Variants in LAMA2 observed in about 807,000 individuals in gnomAD.
LAMA2 encodes the protein laminin subunit alpha 2.
In LAMA2, 269 loss-of-function variants were observed where a neutral mutation model predicts 364.8. The observed-to-expected ratio is 0.74, with a 90% CI of 0.67 to 0.82. The LOEUF (loss-of-function observed/expected upper bound fraction) is 0.82. Among genes scored for constraint, LAMA2 ranks in the 40% least tolerant of loss-of-function variants. LAMA2 has a pLI of 0.00. For missense variants in LAMA2, 3,807 were observed against 3,873.2 expected (o/e 0.98, Z 0.45); for synonymous variants, 1,379 against 1,370.6 (o/e 1.01, Z -0.14).
At chr6:128,926,965 C>A (rs2114503699) in intron 1 of LAMA2, among the ~76,000 whole-genome samples, 1 of 152,302 alleles carries the variant, frequency 6.6e-6, no homozygotes, top group Admixed American at 6.5e-5. Context: ...AGTTTGAATA[C>A]ATTCATCCTC....
chr6:129,238,353 C>T (rs1229913694), intron 12 of LAMA2, among the ~76,000 whole-genome samples: 1 of 152,092 alleles, frequency 6.6e-6, no homozygotes, highest in Non-Finnish European at 1.5e-5. Flanking sequence ...GTTCTGTGTT[C>T]CTCTTATGAA....
At chr6:129,204,481 A>C (rs1782492875) in intron 12 of LAMA2, among the ~76,000 whole-genome samples, 1 of 152,022 alleles carries the variant, frequency 6.6e-6, no homozygotes, top group South Asian at 2.1e-4. Flanking sequence ...CCTTATGAAA[A>C]AAAAAAAAAA....
At chr6:129,480,079 G>T (rs915821435) in intron 54 of LAMA2, among the ~76,000 whole-genome samples, 1 of 152,128 alleles carries the variant, frequency 6.6e-6, no homozygotes, top group African/African-American at 2.4e-5. Context: ...CAGTAACCAG[G>T]AATTATTTTG....
intron 22 of LAMA2, among the ~76,000 whole-genome samples, chr6:129,303,935 CCCT>C (rs1335881096): frequency 1.3e-5 from 2 of 152,076 alleles, no homozygotes; most frequent in African/African-American, 2.4e-5. Flanking sequence ...CAGAAGTATT[CCCT>C]CCTCATAATT....
intron 22 of LAMA2, among the ~76,000 whole-genome samples, chr6:129,311,525 G>T (rs1774230827): frequency 6.6e-6 from 1 of 152,134 alleles, no homozygotes; most frequent in Non-Finnish European, 1.5e-5. Flanking sequence ...TCTGCCACCG[G>T]ATACGGAGAA....
At chr6:129,507,397 A>C (rs766256895) in intron 61 of LAMA2, 92 bp from the exon 62 acceptor site, 23 of 1,336,412 alleles carry the variant, frequency 1.7e-5, no homozygotes, top group Non-Finnish European at 2.4e-5. Flanking sequence ...GGATAACTAC[A>C]CACATAGAGC....
chr6:129,318,328 C>A (rs940317817), intron 27 of LAMA2, among the ~76,000 whole-genome samples: 5 of 151,988 alleles, frequency 3.3e-5, no homozygotes, highest in Admixed American at 2.6e-4. Flanking sequence ...GAAATAGCAA[C>A]TTTTGCATTT....
chr6:129,084,977 G>T (rs1204398854), intron 3 of LAMA2, among the ~76,000 whole-genome samples: 1 of 152,112 alleles, frequency 6.6e-6, no homozygotes, highest in Non-Finnish European at 1.5e-5. Flanking sequence ...TATAGTGTCT[G>T]GTTATGCTAC....
intron 15 of LAMA2, among the ~76,000 whole-genome samples, chr6:129,261,746 C>T (rs966214755): frequency 3.3e-5 from 5 of 152,044 alleles, no homozygotes; most frequent in African/African-American, 9.7e-5. Context: ...TCTAGAGATA[C>T]GCATTATAGT....
intron 1 of LAMA2, among the ~76,000 whole-genome samples, chr6:128,980,722 C>G (rs569939106): frequency 1.3e-5 from 2 of 152,230 alleles, no homozygotes; most frequent in African/African-American, 4.8e-5. Flanking sequence ...AATATTTCCT[C>G]CACAAAGACT....
At chr6:129,040,125 A>G (rs186079126) in intron 1 of LAMA2, among the ~76,000 whole-genome samples, 1 of 152,364 alleles carries the variant, frequency 6.6e-6, no homozygotes, top group African/African-American at 2.4e-5. Flanking sequence ...TTCACAAAGT[A>G]TCTTTTAACA....
intron 32 of LAMA2, among the ~76,000 whole-genome samples, chr6:129,361,783 C>CTTTTTT (rs66805881): frequency 1.7e-5 from 2 of 121,096 alleles, no homozygotes; most frequent in Non-Finnish European, 1.7e-5. Context: ...TAACAGTAAC[C>CTTTTTT]TTTTTTTTTT....
chr6:129,413,631 A>G (rs764799521), intron 40 of LAMA2, among the ~76,000 whole-genome samples: 3 of 152,212 alleles, frequency 2.0e-5, no homozygotes, highest in Non-Finnish European at 2.9e-5. Flanking sequence ...ACAATTGACA[A>G]AAAGTTTTAA....
chr6:129,164,260 A>G (rs1180920326), intron 8 of LAMA2, among the ~76,000 whole-genome samples: 1 of 152,212 alleles, frequency 6.6e-6, no homozygotes, highest in Non-Finnish European at 1.5e-5. Context: ...GGGATGATTC[A>G]TATCCCTGGT....
chr6:129,414,823 C>T (rs956704740), intron 40 of LAMA2, among the ~76,000 whole-genome samples: 2 of 152,200 alleles, frequency 1.3e-5, no homozygotes, highest in Non-Finnish European at 2.9e-5. Context: ...ACTAAGCTCA[C>T]AGCTCCAGGA....
chr6:129,403,742 A>G, intron 39 of LAMA2, 79 bp from the exon 40 acceptor site: 2 of 1,350,490 alleles, frequency 1.5e-6, no homozygotes, highest in Non-Finnish European at 2.1e-6. Context: ...TTTGGAAGCC[A>G]GATTTCATAT....
At chr6:129,497,448 G>A (rs981833820) in intron 58 of LAMA2, among the ~76,000 whole-genome samples, 9 of 152,120 alleles carry the variant, frequency 5.9e-5, no homozygotes, top group African/African-American at 2.2e-4. Context: ...ATGTTGGCCA[G>A]GCTGGTCTCG....
chr6:129,491,698 A>C (rs555082391), intron 56 of LAMA2, among the ~76,000 whole-genome samples: 106 of 152,280 alleles, frequency 7.0e-4, no homozygotes, highest in African/African-American at 2.5e-3. Flanking sequence ...GGTTTCAGTA[A>C]ACTTTCAGGA....
At chr6:128,937,657 T>C (rs1328754328) in intron 1 of LAMA2, among the ~76,000 whole-genome samples, 2 of 152,034 alleles carry the variant, frequency 1.3e-5, no homozygotes, top group Admixed American at 1.3e-4. Flanking sequence ...TAATTTATAA[T>C]TTTATTTAGT....
Sources: allele counts gnomAD v4.1 joint callset (sites outside exome capture counted in the v4.1 genomes callset), GRCh38; gene constraint gnomAD v4.1.1; transcripts MANE v1.5; gene names NCBI Gene and HGNC (gene_info 2026-07-23, HGNC 2026-07-21).